TAF3: variants seen among roughly 807,000 people sequenced by gnomAD.
The protein encoded by TAF3 is transcription initiation factor TFIID subunit 3.
TAF3 carries 7 observed loss-of-function variants against 80.6 expected under a neutral mutation model. The ratio of observed to expected loss-of-function variants is 0.09; its 90% CI spans 0.05 to 0.16. The LOEUF (loss-of-function observed/expected upper bound fraction) is 0.16, where lower values mean the gene tolerates loss of function less well. Among genes scored for constraint, TAF3 ranks in the 10% least tolerant of loss-of-function variants. The pLI, the probability that TAF3 is intolerant of heterozygous loss-of-function variation, is 1.00. For missense variants in TAF3, 921 were observed against 1,140.2 expected (o/e 0.81, Z 2.77); for synonymous variants, 444 against 446.1 (o/e 1.00, Z 0.06).
In TAF3 at chr10:7,964,874, G is replaced by A. The variant is rs781689031; in HGVS notation, c.1364G>A (p.Gly455Asp). ...GGATCCACTCCTCTGCCTCTTTCCG[G>A]TGGAACCTCAAGTTCCGATAACTCA... ...KSGSTPLPLS[G>D]GTSSSDNSWT... The change falls in exon 3 of 7, where the codon GGT becomes GAT. Residue 455 changes from glycine (G) to aspartate (D), a missense_variant. Gly to Asp is a moderately conservative substitution (Grantham distance 94). Around this residue, in one of 6 missense-constraint regions of TAF3, gnomAD observed 743 missense variants for 821.0 expected, o/e 0.90. Transcript: ENST00000344293. This position sits in a 1 kb window ranked among gnomAD's most constrained non-coding sequence, Gnocchi z 4.1. The A allele has an allele frequency of 1.2e-6, 2 of 1,614,032 alleles. No homozygotes were observed. The highest frequency in any genetic ancestry group is 2.7e-5 in the African/African-American group (2 of 74,912).
chr10:7,910,687 ATAAATTT>A (rs1837649581), intron 2 of TAF3, among the ~76,000 whole-genome samples: 2 of 152,294 alleles, frequency 1.3e-5, no homozygotes, highest in South Asian at 4.1e-4. Flanking sequence ...AGCCTGCTTT[ATAAATTT>A]TAAACATGTT....
Position 7,964,497 on chromosome 10 carries a change from C to T in TAF3, c.987C>T (p.His329=), listed in dbSNP as rs749576209. 1 of 1,613,420 alleles carries T rather than the reference C, an allele frequency of 6.2e-7. No individual in the cohort carries two copies. Among genetic ancestry groups the T allele is most frequent in the South Asian group, 1.1e-5 (1 of 91,034 alleles). The change falls in exon 3 of 7, where the codon CAC becomes CAT. Residue 329 remains histidine (H), a synonymous_variant. Transcript: ENST00000344293. This position sits in a 1 kb window ranked among gnomAD's most constrained non-coding sequence, Gnocchi z 4.1. ...CCAAGAGCCCCAAGGTCACGACTCA[C>T]ATTCCCCAAACACCTGTGAGACCTG... ...KSPKSPKVTT[H]IPQTPVRPET... is the part of the protein sequence containing the mutation.
intron 2 of TAF3, among the ~76,000 whole-genome samples, chr10:7,889,480 C>T (rs1837439334): frequency 6.6e-6 from 1 of 152,152 alleles, no homozygotes; most frequent in South Asian, 2.1e-4. Flanking sequence ...AAATAATTGG[C>T]CCTTGGTCAC....
At chr10:7,865,498 C>G (rs373328543) in intron 2 of TAF3, among the ~76,000 whole-genome samples, 11 of 111,712 alleles carry the variant, frequency 9.8e-5, no homozygotes, top group East Asian at 2.3e-4. Flanking sequence ...AACAAACAAA[C>G]AAACAAAGAA....
At chr10:8,007,750 ACTT>A (rs1401817761) in intron 4 of TAF3, among the ~76,000 whole-genome samples, 2 of 151,622 alleles carry the variant, frequency 1.3e-5, no homozygotes, top group Non-Finnish European at 1.5e-5. Context: ...GGTAATCATT[ACTT>A]CTTTGATGTT....
intron 2 of TAF3, among the ~76,000 whole-genome samples, chr10:7,928,860 G>A (rs552469833): frequency 6.6e-6 from 1 of 152,132 alleles, no homozygotes; most frequent in Non-Finnish European, 1.5e-5. Context: ...CTCTGGAGAA[G>A]TAGGCATATT....
chr10:7,950,361 C>T (rs1261431650), intron 2 of TAF3, among the ~76,000 whole-genome samples: 1 of 151,868 alleles, frequency 6.6e-6, no homozygotes, highest in Admixed American at 6.6e-5. Context: ...AAGACCTTGG[C>T]ACCTTCCAGA....
chr10:7,995,706 C>G (rs1006129076), intron 4 of TAF3, among the ~76,000 whole-genome samples: 1 of 152,110 alleles, frequency 6.6e-6, no homozygotes, highest in African/African-American at 2.4e-5. Context: ...ATGTTTGCTA[C>G]TTGATATGTA....
intron 2 of TAF3, among the ~76,000 whole-genome samples, chr10:7,873,885 G>C (rs1588534185): frequency 2.0e-5 from 3 of 152,134 alleles, no homozygotes; most frequent in African/African-American, 7.2e-5. Context: ...TGATTCTGTT[G>C]GCACATTTGT....
chr10:7,878,708 T>C (rs1837332625), intron 2 of TAF3, among the ~76,000 whole-genome samples: 1 of 148,516 alleles, frequency 6.7e-6, no homozygotes, highest in African/African-American at 2.6e-5. Flanking sequence ...TATGTATGTA[T>C]GTATGTATGT....
chr10:7,981,645 A>G (rs1404337707), intron 4 of TAF3, among the ~76,000 whole-genome samples: 2 of 152,204 alleles, frequency 1.3e-5, no homozygotes, highest in Admixed American at 1.3e-4. Flanking sequence ...CTCTGGCATT[A>G]GTTTTCTTTC....
chr10:7,916,029 G>C (rs1837708806), intron 2 of TAF3, among the ~76,000 whole-genome samples: 1 of 152,016 alleles, frequency 6.6e-6, no homozygotes, highest in Non-Finnish European at 1.5e-5. Context: ...GTCTTGTTAG[G>C]AGTCTAAACA....
At chr10:7,998,241 C>CTATATATATATATATATATATGTA (rs1831907586) in intron 4 of TAF3, among the ~76,000 whole-genome samples, 30 of 134,432 alleles carry the variant, frequency 2.2e-4, no homozygotes, top group Non-Finnish European at 3.9e-4. Flanking sequence ...TGAGTGAGAA[C>CTATATATATATATATATATATGTA]TATATATATA....
chr10:7,964,758 A>G lies in TAF3; in HGVS notation c.1248A>G (p.Glu416=). 1 of 1,614,172 alleles carries G rather than the reference A, an allele frequency of 6.2e-7. No individual in the cohort carries two copies. Among genetic ancestry groups the G allele is most frequent in the Non-Finnish European group, 8.5e-7 (1 of 1,180,032 alleles). Residue 416 remains glutamate, a synonymous_variant, in exon 3 of 7, where the codon GAA becomes GAG. Coordinates refer to ENST00000344293, the MANE Select transcript of TAF3 (RefSeq NM_031923.4). This position sits in a 1 kb window ranked among gnomAD's most constrained non-coding sequence, Gnocchi z 4.1. ...AATTTTCTTCTGGATCGGAATCTGA[A>G]GGAGACATTTTTACTAGCCCTAAGA... is the stretch of plus-strand genomic sequence containing the variant. ...PFEFSSGSES[E]GDIFTSPKRI...
intron 2 of TAF3, among the ~76,000 whole-genome samples, chr10:7,962,667 A>C (rs1395881532): frequency 6.6e-6 from 1 of 152,024 alleles, no homozygotes; most frequent in African/African-American, 2.4e-5. Flanking sequence ...CCAGTCTCCA[A>C]CTATCCCAAA....
chr10:7,987,555 G>A (rs914024775), intron 4 of TAF3, among the ~76,000 whole-genome samples: 1 of 152,096 alleles, frequency 6.6e-6, no homozygotes. Context: ...TTTATTCAGT[G>A]TTACTAGGTC....
chr10:7,855,279 C>G (rs1347004060), intron 2 of TAF3, among the ~76,000 whole-genome samples: 1 of 152,142 alleles, frequency 6.6e-6, no homozygotes, highest in African/African-American at 2.4e-5. Flanking sequence ...GATTTCCTCC[C>G]TGGTTTGGTG....
At chr10:8,013,707 C>T in intron 5 of TAF3, 24 bp from the exon 6 acceptor site, 1 of 1,600,966 alleles carries the variant, frequency 6.2e-7, no homozygotes, top group Non-Finnish European at 8.5e-7. Flanking sequence ...TCCATTTTTG[C>T]CGCTTCCGCT....
intron 2 of TAF3, among the ~76,000 whole-genome samples, chr10:7,853,530 A>AAAATGAGG (rs1315881533): frequency 6.6e-6 from 1 of 152,250 alleles, no homozygotes; most frequent in African/African-American, 2.4e-5. Context: ...AAATGGTATA[A>AAAATGAGG]AAATGAGGAA....
Sources: gnomAD v4.1 joint callset for allele counts (sites outside exome capture counted in the v4.1 genomes callset) on GRCh38, gnomAD v4.1.1 for gene constraint, gnomAD v4.1.1 regional missense constraint, Gnocchi (gnomAD v3.1) non-coding constraint, MANE v1.5 for transcripts, NCBI Gene and HGNC (gene_info 2026-07-23, HGNC 2026-07-21) for gene names.